The following ZHX3 variants were observed in gnomAD, a reference collection of about 807,000 sequenced individuals.
ZHX3 encodes the protein zinc fingers and homeoboxes 3.
Under a neutral mutation model 64.5 loss-of-function variants are expected in ZHX3, and 20 were observed. That is an observed-to-expected ratio of 0.31 (90% CI 0.22 to 0.45). The LOEUF is 0.45. Among genes scored for constraint, ZHX3 ranks in the 20% least tolerant of loss-of-function variants. The pLI, the probability that ZHX3 is intolerant of heterozygous loss-of-function variation, is 1.00. For synonymous variants in ZHX3, 423 were observed against 461.6 expected (o/e 0.92, Z 1.07); for missense variants, 1,041 against 1,195.8 (o/e 0.87, Z 1.91).
intron 2 of ZHX3, among the ~76,000 whole-genome samples, chr20:41,213,108 C>T (rs1025473277): frequency 6.6e-6 from 1 of 152,176 alleles, no homozygotes; most frequent in African/African-American, 2.4e-5. Flanking sequence ...ACACAAATGT[C>T]ACATACTGTA....
At chr20:41,300,168 G>A (rs1177785681) in intron 1 of ZHX3, 1 of 152,144 alleles carries the variant, frequency 6.6e-6, no homozygotes, top group Non-Finnish European at 1.5e-5. Context: ...CCAGAACTGT[G>A]GAATCACAAA....
chr20:41,299,798 G>A (rs1172420736), intron 1 of ZHX3, among the ~76,000 whole-genome samples: 2 of 146,554 alleles, frequency 1.4e-5, no homozygotes, highest in African/African-American at 5.1e-5. Flanking sequence ...GAAGGCAGAG[G>A]TTGCAGTAAG....
intron 2 of ZHX3, among the ~76,000 whole-genome samples, chr20:41,259,886 C>A (rs978204301): frequency 1.3e-5 from 2 of 152,042 alleles, no homozygotes; most frequent in Admixed American, 6.5e-5. Context: ...ATTTTTAAAA[C>A]CCTCTTCATA....
chr20:41,230,309 T>C (rs191944919), intron 2 of ZHX3, among the ~76,000 whole-genome samples: 76 of 152,184 alleles, frequency 5.0e-4, no homozygotes, highest in East Asian at 4.8e-3. Context: ...CACCGGGCAG[T>C]GTGGAGAGCA....
intron 2 of ZHX3, among the ~76,000 whole-genome samples, chr20:41,239,169 A>ATT (rs796438352): frequency 2.0e-3 from 291 of 142,572 alleles, no homozygotes; most frequent in African/African-American, 7.2e-3. Context: ...TGCCCCGCTA[A>ATT]TTTTTTTTTT....
At chr20:41,298,125 T>C (rs1316459177) in intron 1 of ZHX3, among the ~76,000 whole-genome samples, 1 of 151,982 alleles carries the variant, frequency 6.6e-6, no homozygotes, top group Non-Finnish European at 1.5e-5. Flanking sequence ...AAATACAAAG[T>C]ACAAGAGAAA....
chr20:41,218,608 G>GT (rs753699351), intron 2 of ZHX3, among the ~76,000 whole-genome samples: 11 of 152,128 alleles, frequency 7.2e-5, no homozygotes, highest in Non-Finnish European at 1.2e-4. Context: ...TTAGACCACG[G>GT]TAAGTCAGTA....
intron 2 of ZHX3, among the ~76,000 whole-genome samples, chr20:41,227,432 AG>A (rs1162695901): frequency 6.6e-6 from 1 of 152,214 alleles, no homozygotes; most frequent in Non-Finnish European, 1.5e-5. Flanking sequence ...ACTATTTATC[AG>A]GAATGAAGTA....
intron 2 of ZHX3, among the ~76,000 whole-genome samples, chr20:41,240,018 A>C (rs958375624): frequency 1.3e-5 from 2 of 150,900 alleles, no homozygotes; most frequent in Admixed American, 1.3e-4. Flanking sequence ...TTTTTTTGAG[A>C]CAGTCTCTTG....
chr20:41,191,631 T>C (rs912424615), intron 3 of ZHX3, among the ~76,000 whole-genome samples: 1 of 152,254 alleles, frequency 6.6e-6, no homozygotes, highest in Non-Finnish European at 1.5e-5. Context: ...TTGTTTCTTC[T>C]AATTTTTTGC....
chr20:41,237,162 G>A (rs1436820736), intron 2 of ZHX3, among the ~76,000 whole-genome samples: 1 of 152,164 alleles, frequency 6.6e-6, no homozygotes, highest in Admixed American at 6.5e-5. Context: ...TACACTGTTG[G>A]GGGGACTGTA....
intron 2 of ZHX3, among the ~76,000 whole-genome samples, chr20:41,225,291 C>A (rs1251130617): frequency 6.6e-6 from 1 of 152,124 alleles, no homozygotes; most frequent in Non-Finnish European, 1.5e-5. Context: ...ATACAGGAAA[C>A]ACTCAATAAA....
intron 2 of ZHX3, among the ~76,000 whole-genome samples, chr20:41,218,018 G>C (rs564189317): frequency 6.6e-6 from 1 of 152,298 alleles, no homozygotes; most frequent in Non-Finnish European, 1.5e-5. Flanking sequence ...GCTTGACAAT[G>C]TAGTCCTAGC....
At chr20:41,233,162 T>C (rs2040738745) in intron 2 of ZHX3, among the ~76,000 whole-genome samples, 1 of 152,240 alleles carries the variant, frequency 6.6e-6, no homozygotes, top group African/African-American at 2.4e-5. Context: ...CACATGACCA[T>C]GCAATGCTGA....
intron 2 of ZHX3, among the ~76,000 whole-genome samples, chr20:41,225,772 AC>A (rs2040228460): frequency 6.6e-6 from 1 of 152,148 alleles, no homozygotes; most frequent in Admixed American, 6.5e-5. Context: ...ACAGGCGTGA[AC>A]CACCGCACCC....
intron 1 of ZHX3, among the ~76,000 whole-genome samples, chr20:41,289,910 T>C (rs2044142336): frequency 1.3e-5 from 2 of 152,202 alleles, no homozygotes; most frequent in Admixed American, 6.5e-5. Context: ...TCTATCCTAG[T>C]TGTAGTTTCA....
intron 2 of ZHX3, among the ~76,000 whole-genome samples, chr20:41,256,859 T>G (rs1466717281): frequency 1.3e-5 from 2 of 151,930 alleles, no homozygotes. Flanking sequence ...TAGTGGTGAA[T>G]CTGGACTTTT....
intron 2 of ZHX3, among the ~76,000 whole-genome samples, chr20:41,235,859 T>C (rs879562076): frequency 7.7e-4 from 117 of 152,208 alleles, no homozygotes; most frequent in Non-Finnish European, 1.6e-3. Context: ...CATGATTGTA[T>C]ATCTAGAAAA....
At chr20:41,275,232 C>T (rs2043322526) in intron 1 of ZHX3, among the ~76,000 whole-genome samples, 1 of 152,122 alleles carries the variant, frequency 6.6e-6, no homozygotes, top group African/African-American at 2.4e-5. Flanking sequence ...TTGAAATAAA[C>T]CAGCACCAAA....
Sources: gnomAD v4.1 joint callset for allele counts (sites outside exome capture counted in the v4.1 genomes callset) on GRCh38, gnomAD v4.1.1 for gene constraint, MANE v1.5 for transcripts, NCBI Gene and HGNC (gene_info 2026-07-23, HGNC 2026-07-21) for gene names.